Variants in DARS2 observed in about 807,000 individuals in gnomAD.
The protein encoded by DARS2 is aspartate--tRNA ligase, mitochondrial.
In DARS2, 63 loss-of-function variants were observed where a neutral mutation model predicts 83.0. The ratio of observed to expected loss-of-function variants is 0.76; its 90% CI spans 0.62 to 0.94. The LOEUF (loss-of-function observed/expected upper bound fraction) is 0.94, where lower values mean the gene tolerates loss of function less well. Ranked by LOEUF, DARS2 falls within the 40% of genes least tolerant of loss-of-function variation. The pLI is 0.00. For missense variants in DARS2, 675 were observed against 774.4 expected (o/e 0.87, Z 1.52); for synonymous variants, 250 against 269.3 (o/e 0.93, Z 0.70).
At chr1:173,837,113 C>A in intron 8 of DARS2, 67 bp downstream of exon 8, 1 of 1,363,722 alleles carries the variant, frequency 7.3e-7, no homozygotes, top group Non-Finnish European at 1.0e-6. Context: ...AAAAAGGAAA[C>A]ACAAAATCCT....
chr1:173,842,008 TAAAAG>T (rs1653232666), intron 11 of DARS2, among the ~76,000 whole-genome samples: 1 of 151,638 alleles, frequency 6.6e-6, no homozygotes, highest in Non-Finnish European at 1.5e-5. Context: ...AACAGGGAAA[TAAAAG>T]GAGATGGAGC....
In DARS2 at chr1:173,857,747, C is replaced by T. The variant is rs1653906865; in HGVS notation, c.*42C>T. 1 of 1,608,494 alleles carries T rather than the reference C, an allele frequency of 6.2e-7. No individual in the cohort carries two copies. The highest frequency in any genetic ancestry group is 8.5e-7 in the Non-Finnish European group (1 of 1,175,540). ...AGAAAGTTGAGCTTTTAGGTTTTGTCCTCTTTGCTTCCCCAAGGCTAAAGT... is the reference window on the plus strand; with the variant it reads ...AGAAAGTTGAGCTTTTAGGTTTTGTTCTCTTTGCTTCCCCAAGGCTAAAGT... On this transcript the variant is annotated 3_prime_UTR_variant, in exon 17 of 17. Transcript: ENST00000649689.
chr1:173,831,722 T>G, intron 5 of DARS2, 92 bp downstream of exon 5: 1 of 1,030,692 alleles, frequency 9.7e-7, no homozygotes, highest in Non-Finnish European at 1.5e-6. Context: ...AAAGTTTAAC[T>G]TCTACAAAAT....
intron 7 of DARS2, among the ~76,000 whole-genome samples, chr1:173,836,179 C>T (rs2102644836): frequency 6.6e-6 from 1 of 152,136 alleles, no homozygotes; most frequent in South Asian, 2.1e-4. Flanking sequence ...CAGATTGTAC[C>T]ATTGCACTCC....
At chr1:173,845,324 A>G (rs1653392685) in intron 12 of DARS2, 33 bp downstream of exon 12, 1 of 1,437,446 alleles carries the variant, frequency 7.0e-7, no homozygotes, top group African/African-American at 1.4e-5. Flanking sequence ...TTTTTTCCTT[A>G]TACAGATTCA....
Position 173,825,182 on chromosome 1 carries a change from G to T in DARS2, c.-48G>T. ...TTTCCAAAACTGACTTTTAACTACC[G>T]GCAGCGTGGGATTTCGTGATTGTTT... On this transcript the variant is annotated 5_prime_UTR_variant, in exon 1 of 17. Transcript: ENST00000649689. The T allele has an allele frequency of 6.2e-7, 1 of 1,600,200 alleles. No homozygotes were observed. The highest frequency in any genetic ancestry group is 8.5e-7 in the Non-Finnish European group (1 of 1,170,908).
chr1:173,840,831 T>C, intron 10 of DARS2, 35 bp from the exon 11 acceptor site: 1 of 1,141,160 alleles, frequency 8.8e-7, no homozygotes, highest in Non-Finnish European at 1.3e-6. Flanking sequence ...AATTACTTCA[T>C]ATTTAGTTAT....
chr1:173,834,782 G>GTTTTTTTTTTTTTT (rs558344998), intron 7 of DARS2, among the ~76,000 whole-genome samples: 2 of 26,754 alleles, frequency 7.5e-5, no homozygotes, highest in Non-Finnish European at 1.2e-4. Flanking sequence ...TTTTTTTTTT[G>GTTTTTTTTTTTTTT]TTTTTTTTTT....
intron 5 of DARS2, among the ~76,000 whole-genome samples, chr1:173,832,133 G>A (rs17275074): frequency 1.3e-5 from 2 of 152,120 alleles, no homozygotes. Flanking sequence ...ATGATTTTCA[G>A]CTTTGTCACA....
chr1:173,847,590 A>G (rs1653483191), intron 12 of DARS2, among the ~76,000 whole-genome samples: 1 of 152,178 alleles, frequency 6.6e-6, no homozygotes, highest in Non-Finnish European at 1.5e-5. Flanking sequence ...TTTTAGCAAC[A>G]TATGGCATAC....
chr1:173,849,786 G>A (rs778991613), intron 12 of DARS2, among the ~76,000 whole-genome samples: 31 of 150,976 alleles, frequency 2.1e-4, no homozygotes, highest in Admixed American at 4.6e-4. Context: ...CCAAAAATTC[G>A]CAGAAATCTC....
intron 10 of DARS2, 116 bp downstream of exon 10, chr1:173,839,662 G>A: frequency 1.1e-6 from 1 of 943,724 alleles, no homozygotes; most frequent in East Asian, 2.4e-5. Context: ...TTGTTACCTT[G>A]TTACCTTCGT....
intron 9 of DARS2, among the ~76,000 whole-genome samples, chr1:173,838,675 T>C (rs1653096270): frequency 1.3e-5 from 2 of 152,050 alleles, no homozygotes; most frequent in African/African-American, 4.8e-5. Flanking sequence ...ATATGTGGAC[T>C]TACCAAAGCT....
chr1:173,855,218 C>T (rs1156433974), intron 15 of DARS2, among the ~76,000 whole-genome samples: 1 of 151,848 alleles, frequency 6.6e-6, no homozygotes, highest in Non-Finnish European at 1.5e-5. Flanking sequence ...ATTCTTCTGC[C>T]TCAGCCTCCT....
In DARS2 at chr1:173,853,333, C is replaced by T. The variant is rs200214952; in HGVS notation, c.1345-16C>T. The T allele has an allele frequency of 4.5e-4, 727 of 1,610,820 alleles. No individual in the cohort carries two copies. Among genetic ancestry groups the T allele is most frequent in the Non-Finnish European group, 5.7e-4 (666 of 1,178,100 alleles). On this transcript the variant is annotated splice_polypyrimidine_tract_variant and intron_variant, in intron 13 of 16. Transcript: ENST00000649689. ...TGTCAAGAAGTTAACTCAATGTTTA[C>T]GTCTTCTGTTTGCAGTGCTCTTTGT...
intron 13 of DARS2, among the ~76,000 whole-genome samples, chr1:173,853,090 T>G (rs1653734108): frequency 2.0e-5 from 3 of 152,154 alleles, no homozygotes; most frequent in African/African-American, 7.2e-5. Flanking sequence ...CAGACCCAGG[T>G]CTATGAAGTG....
In DARS2 at chr1:173,845,306, A is replaced by G. The variant is rs988231959; in HGVS notation, c.1191+15A>G. On this transcript the variant is annotated intron_variant, in intron 12 of 16. Coordinates refer to ENST00000649689, the MANE Select transcript of DARS2 (RefSeq NM_018122.5). ...ATTTTAATCAGGTAAGGAGTTAATT[A>G]GAGCAGTTTTTTTCCTTATACAGAT... The G allele has an allele frequency of 1.3e-6, 2 of 1,590,978 alleles. No homozygotes were observed. Among genetic ancestry groups the G allele is most frequent in the Non-Finnish European group, 1.7e-6 (2 of 1,159,432 alleles).
intron 13 of DARS2, chr1:173,851,716 T>C (rs1490171484): frequency 7.9e-6 from 3 of 380,502 alleles, no homozygotes; most frequent in Non-Finnish European, 1.1e-5. Context: ...TCAAGCATGA[T>C]ATAAATTTAT....
rs764170420 is a variant in DARS2 at position 173,839,569 on chromosome 1, G to T, written c.1020+23G>T. 5 of 1,608,930 alleles carry T rather than the reference G, an allele frequency of 3.1e-6. No individual in the cohort carries two copies. In the East Asian group the frequency reaches 8.9e-5, roughly 29 times the overall value. On this transcript the variant is annotated intron_variant, in intron 10 of 16. Coordinates refer to ENST00000649689, the MANE Select transcript of DARS2 (RefSeq NM_018122.5). Reference sequence around the variant, plus strand: ...AAGGTACTTATCTTCACTTTTCTAGGACTCTGTCCCCAAATAATCCTGCAG... The same window carrying T: ...AAGGTACTTATCTTCACTTTTCTAGTACTCTGTCCCCAAATAATCCTGCAG...
Sources: allele counts gnomAD v4.1 joint callset (sites outside exome capture counted in the v4.1 genomes callset), GRCh38; gene constraint gnomAD v4.1.1; transcripts MANE v1.5; gene names NCBI Gene and HGNC (gene_info 2026-07-23, HGNC 2026-07-21).